BCAS1: variants seen among roughly 807,000 people sequenced by gnomAD.
BCAS1 encodes the protein brain enriched myelin associated protein 1, also known as breast carcinoma-amplified sequence 1.
Under a neutral mutation model 65.4 loss-of-function variants are expected in BCAS1, and 46 were observed. That is an observed-to-expected ratio of 0.70 (90% CI 0.55 to 0.90). The LOEUF (loss-of-function observed/expected upper bound fraction) is 0.90. Ranked by LOEUF, BCAS1 falls within the 40% of genes least tolerant of loss-of-function variation. BCAS1 has a pLI of 0.00. For synonymous variants in BCAS1, 298 were observed against 293.5 expected (o/e 1.02, Z -0.16); for missense variants, 793 against 771.2 (o/e 1.03, Z -0.33).
intron 8 of BCAS1, among the ~76,000 whole-genome samples, chr20:53,982,329 T>C (rs1348123938): frequency 2.0e-5 from 3 of 152,224 alleles, no homozygotes; most frequent in Non-Finnish European, 2.9e-5. Context: ...TTTACTCCAG[T>C]TAACTGCATT....
chr20:53,982,322 A>G (rs906958708), intron 8 of BCAS1, among the ~76,000 whole-genome samples: 1 of 152,224 alleles, frequency 6.6e-6, no homozygotes, highest in Non-Finnish European at 1.5e-5. Flanking sequence ...TGGCATATTT[A>G]CTCCAGTTAA....
intron 3 of BCAS1, among the ~76,000 whole-genome samples, chr20:54,044,686 A>G (rs1365266022): frequency 2.0e-5 from 3 of 151,722 alleles, no homozygotes; most frequent in African/African-American, 7.3e-5. Context: ...AAAAATACAA[A>G]AATTAGCCAG....
At chr20:54,046,434 C>T (rs990508933) in intron 3 of BCAS1, among the ~76,000 whole-genome samples, 4 of 146,854 alleles carry the variant, frequency 2.7e-5, no homozygotes, top group African/African-American at 1.0e-4. Context: ...GAGGCTGAGG[C>T]AGGAGAATCA....
At chr20:53,989,094 A>G (rs1347986075) in intron 7 of BCAS1, among the ~76,000 whole-genome samples, 3 of 152,318 alleles carry the variant, frequency 2.0e-5, no homozygotes, top group African/African-American at 4.8e-5. Flanking sequence ...AAAGAATTAC[A>G]GTGCATTAAC....
intron 1 of BCAS1, among the ~76,000 whole-genome samples, chr20:54,069,225 G>A (rs999334804): frequency 3.3e-5 from 5 of 152,108 alleles, no homozygotes; most frequent in African/African-American, 7.2e-5. Context: ...AGGCTGAGGC[G>A]GATCAGGCCC....
At chr20:54,031,654 C>T (rs1459689973) in intron 3 of BCAS1, among the ~76,000 whole-genome samples, 1 of 151,328 alleles carries the variant, frequency 6.6e-6, no homozygotes, top group African/African-American at 2.4e-5. Flanking sequence ...GAAGCAGATA[C>T]CCAATCATGT....
At chr20:53,948,955 C>T (rs1874769847) in intron 12 of BCAS1, among the ~76,000 whole-genome samples, 1 of 152,174 alleles carries the variant, frequency 6.6e-6, no homozygotes, top group Non-Finnish European at 1.5e-5. Context: ...AGCCTCGGTT[C>T]AGCCCACACC....
At chr20:53,996,557 AG>A (rs2090920490) in intron 4 of BCAS1, among the ~76,000 whole-genome samples, 1 of 152,002 alleles carries the variant, frequency 6.6e-6, no homozygotes, top group African/African-American at 2.4e-5. Context: ...CATCTGTGCA[AG>A]GGGTGTGATA....
At chr20:54,059,027 T>C (rs2146334661) in intron 1 of BCAS1, among the ~76,000 whole-genome samples, 1 of 152,152 alleles carries the variant, frequency 6.6e-6, no homozygotes, top group Non-Finnish European at 1.5e-5. Flanking sequence ...GAGTGCGAGC[T>C]GGGGAAATGC....
chr20:54,065,020 C>A (rs2092418954), intron 1 of BCAS1, among the ~76,000 whole-genome samples: 1 of 152,146 alleles, frequency 6.6e-6, no homozygotes. Flanking sequence ...GCAGGGCGAG[C>A]ACCTAGTAGC....
chr20:53,965,719 A>G (rs1299812707), intron 10 of BCAS1, among the ~76,000 whole-genome samples: 1 of 152,222 alleles, frequency 6.6e-6, no homozygotes, highest in Non-Finnish European at 1.5e-5. Context: ...CGTCACCTTC[A>G]GAATTTTTGC....
At chr20:53,960,319 T>C (rs1314099555) in intron 10 of BCAS1, among the ~76,000 whole-genome samples, 1 of 152,082 alleles carries the variant, frequency 6.6e-6, no homozygotes, top group Non-Finnish European at 1.5e-5. Context: ...ATTTGCTTTC[T>C]TTCCCCCCAT....
chr20:54,061,694 T>A (rs290434), intron 1 of BCAS1, among the ~76,000 whole-genome samples: 373 of 152,338 alleles, frequency 2.4e-3, no homozygotes, highest in African/African-American at 8.7e-3. Flanking sequence ...CTGGGGATTT[T>A]GTATGTCTTC....
intron 12 of BCAS1, 54 bp downstream of exon 12, chr20:53,953,378 T>C (rs938874203): frequency 1.3e-6 from 2 of 1,598,884 alleles, no homozygotes; most frequent in African/African-American, 2.7e-5. Flanking sequence ...CTGGGGCAGA[T>C]GGTGTTGGGG....
intron 4 of BCAS1, among the ~76,000 whole-genome samples, chr20:54,019,461 G>A (rs1250862972): frequency 2.6e-5 from 4 of 152,316 alleles, no homozygotes; most frequent in Middle Eastern, 3.4e-3. Flanking sequence ...TTGGACTAAC[G>A]TTCCACAGAC....
chr20:53,951,706 C>T (rs1417327419), intron 12 of BCAS1, among the ~76,000 whole-genome samples: 1 of 152,204 alleles, frequency 6.6e-6, no homozygotes, highest in Non-Finnish European at 1.5e-5. Context: ...CTTGCGTTGG[C>T]AAATCCAATA....
Position 53,967,084 on chromosome 20 carries a change from T to A in BCAS1, c.1318-11A>T. The A allele has an allele frequency of 6.3e-7, 1 of 1,598,316 alleles. No individual in the cohort carries two copies. Among genetic ancestry groups the A allele is most frequent in the Non-Finnish European group, 8.5e-7 (1 of 1,175,116 alleles). The stretch of plus-strand genomic sequence containing the variant: ...TGACTCACACACCACCTGGATTATT[T>A]TGCCAGGTAATAAGAAAATGAAAAA... On this transcript the variant is annotated splice_polypyrimidine_tract_variant and intron_variant, in intron 9 of 12. Transcript: ENST00000688948.
intron 1 of BCAS1, among the ~76,000 whole-genome samples, chr20:54,064,849 G>C (rs1471450074): frequency 6.6e-6 from 1 of 152,164 alleles, no homozygotes; most frequent in Non-Finnish European, 1.5e-5. Context: ...GTTCTGATTT[G>C]CATATATTTG....
chr20:53,962,424 A>G (rs1249388029), intron 10 of BCAS1, among the ~76,000 whole-genome samples: 1 of 152,212 alleles, frequency 6.6e-6, no homozygotes, highest in African/African-American at 2.4e-5. Context: ...AGATATGAGG[A>G]GGAGTAAATG....
Sources: gnomAD v4.1 joint callset for allele counts (sites outside exome capture counted in the v4.1 genomes callset) on GRCh38, gnomAD v4.1.1 for gene constraint, MANE v1.5 for transcripts, NCBI Gene and HGNC (gene_info 2026-07-23, HGNC 2026-07-21) for gene names.